Variants in CNTNAP4 observed in about 807,000 individuals in gnomAD.
CNTNAP4 encodes contactin associated protein family member 4.
A neutral mutation model predicts 148.4 loss-of-function variants in CNTNAP4; 98 were observed. The ratio of observed to expected loss-of-function variants is 0.66; its 90% CI spans 0.56 to 0.78. The LOEUF (loss-of-function observed/expected upper bound fraction) is 0.78, where lower values mean the gene tolerates loss of function less well. Among genes scored for constraint, CNTNAP4 ranks in the 30% least tolerant of loss-of-function variants. The pLI is 0.00. For missense variants in CNTNAP4, 1,935 were observed against 1,565.6 expected, an observed-to-expected ratio of 1.24 and a Z score of -3.98; for synonymous variants, 730 against 565.1, an observed-to-expected ratio of 1.29 and a Z score of -4.14.
intron 3 of CNTNAP4, among the ~76,000 whole-genome samples, chr16:76,415,582 A>C (rs1027654661): frequency 1.3e-5 from 2 of 151,158 alleles, no homozygotes; most frequent in African/African-American, 4.8e-5. Flanking sequence ...TTTAGTTGCC[A>C]TAAAATGCAC....
rs7193680 is a variant in CNTNAP4 at position 76,548,931 on chromosome 16, C to G, written c.3443-4352C>G. Among the ~76,000 whole-genome samples, 717 of 152,320 alleles carry G rather than the reference C, an allele frequency of 4.7e-3. 6 individuals carry two copies. Among genetic ancestry groups the G allele is most frequent in the African/African-American group, 0.017 (696 of 41,570 alleles). On this transcript the variant is annotated intron_variant, in intron 21 of 23. Coordinates refer to ENST00000611870, the MANE Select transcript of CNTNAP4 (RefSeq NM_033401.5). The stretch of plus-strand genomic sequence containing the variant: ...TAAGGCCAGCTTTGCTTATGAGCAA[C>G]TTAATATAGCTGCTAATTTTGTTTG...
chr16:76,438,002 A>C (rs1206406314), intron 4 of CNTNAP4, among the ~76,000 whole-genome samples: 2 of 152,168 alleles, frequency 1.3e-5, no homozygotes, highest in African/African-American at 4.8e-5. Flanking sequence ...GGTATTAATA[A>C]AATGAAAGAA....
At chr16:76,415,129 C>A (rs1162982537) in intron 3 of CNTNAP4, among the ~76,000 whole-genome samples, 1 of 151,110 alleles carries the variant, frequency 6.6e-6, no homozygotes, top group Non-Finnish European at 1.5e-5. Context: ...TATATTCTTT[C>A]AGATTTATAA....
chr16:76,548,463 G>C (rs1316577110), intron 21 of CNTNAP4, among the ~76,000 whole-genome samples: 2 of 151,538 alleles, frequency 1.3e-5, no homozygotes, highest in Admixed American at 1.3e-4. Flanking sequence ...AGCACTCCTT[G>C]TAATTGTTCT....
chr16:76,523,114 T>C (rs2083558549), intron 17 of CNTNAP4, among the ~76,000 whole-genome samples: 1 of 152,042 alleles, frequency 6.6e-6, no homozygotes, highest in Non-Finnish European at 1.5e-5. Flanking sequence ...TCAGCTTATT[T>C]ATTTATTATC....
At position 76,535,687 on chromosome 16, in the gene CNTNAP4, G is replaced by A. The variant is rs371905330; in HGVS notation, c.2898G>A (p.Gly966=). The A allele has an allele frequency of 9.3e-6, 15 of 1,614,016 alleles. 1 individual carries two copies. The highest frequency in any genetic ancestry group is 1.1e-5 in the Non-Finnish European group (13 of 1,179,908). Residue 966 remains glycine, a synonymous_variant, in exon 18 of 24, where the codon GGG becomes GGA. Coordinates refer to ENST00000611870, the MANE Select transcript of CNTNAP4 (RefSeq NM_033401.5). ...PGCRGHCSSY[G]KLCRNGGKCR... is the part of the protein sequence containing the mutation. The stretch of plus-strand genomic sequence containing the variant: ...GTAGGGGACATTGCAGCAGCTATGG[G>A]AAGTTATGCCGCAATGGAGGGAAAT...
At chr16:76,303,202 AT>A (rs1352554890) in intron 1 of CNTNAP4, among the ~76,000 whole-genome samples, 4 of 151,974 alleles carry the variant, frequency 2.6e-5, no homozygotes, top group East Asian at 3.9e-4. Context: ...AGTTGGCTTG[AT>A]TTTTTTTCCC....
chr16:76,395,142 C>T (rs2078153276), intron 3 of CNTNAP4, among the ~76,000 whole-genome samples: 1 of 152,172 alleles, frequency 6.6e-6, no homozygotes, highest in African/African-American at 2.4e-5. Context: ...GGAGGCACTG[C>T]AGCCAGGCTT....
chr16:76,504,942 A>G (rs967613715), intron 15 of CNTNAP4, among the ~76,000 whole-genome samples: 1 of 152,126 alleles, frequency 6.6e-6, no homozygotes, highest in Non-Finnish European at 1.5e-5. Context: ...ACAAATAATA[A>G]TAACAAAAAA....
intron 1 of CNTNAP4, among the ~76,000 whole-genome samples, chr16:76,298,010 T>C (rs1169797833): frequency 1.3e-5 from 2 of 152,202 alleles, no homozygotes; most frequent in Middle Eastern, 3.2e-3. Flanking sequence ...TTTTCTGCTA[T>C]CTTCACCCGT....
At chr16:76,328,435 T>G (rs746446602) in intron 2 of CNTNAP4, among the ~76,000 whole-genome samples, 2 of 151,772 alleles carry the variant, frequency 1.3e-5, no homozygotes, top group Non-Finnish European at 2.9e-5. Flanking sequence ...CCAAAAGGAG[T>G]CTGAGACGTG....
rs2082875285 is a variant in CNTNAP4, at chr16:76,507,583, G to GA, written c.2365+8897dup. On this transcript the variant is annotated intron_variant, in intron 15 of 23. Coordinates refer to ENST00000611870, the MANE Select transcript of CNTNAP4 (RefSeq NM_033401.5). ...TTTTATATGGCTGAAATAAAAAGAG[G>GA]AAAAAAAAGCACATTTTTCTATATA... is the stretch of plus-strand genomic sequence containing the variant. 4.1e-5 allele frequency among the ~76,000 whole-genome samples: 4 copies of GA among 96,742 alleles called. 1 individual carries two copies. In the South Asian group the frequency reaches 1.2e-3, roughly 29 times the overall value. The allele number at this position is 96,742 out of a possible 152,430, so 63.5% of individuals were successfully genotyped here. A position where few individuals can be genotyped will look rare whatever the true frequency, so the allele number is the denominator to read the frequency against.
Position 76,553,304 on chromosome 16 carries a change from A to T in CNTNAP4, c.3464A>T (p.Asp1155Val). The part of the protein sequence containing the change: ...RILEHSDVDQ[D>V]TALAGAQGFT... ...CTAGAACACAGTGATGTGGACCAGG[A>T]TACTGCACTGGCAGGTGCGCAGGGC... Residue 1155 changes from aspartate to valine, a missense_variant, in exon 22 of 24, where the codon GAT becomes GTT. Asp to Val is a radical substitution (Grantham distance 152). Coordinates refer to ENST00000611870, the MANE Select transcript of CNTNAP4 (RefSeq NM_033401.5). The T allele has an allele frequency of 6.2e-7, 1 of 1,609,398 alleles. No homozygotes were observed. The highest frequency in any genetic ancestry group is 8.5e-7 in the Non-Finnish European group (1 of 1,176,166).
At chr16:76,491,397 A>G (rs2082216531) in intron 13 of CNTNAP4, among the ~76,000 whole-genome samples, 1 of 152,168 alleles carries the variant, frequency 6.6e-6, no homozygotes, top group Admixed American at 6.5e-5. Flanking sequence ...ATGGTTAATG[A>G]ATCTCAGTCT....
chr16:76,301,977 T>A (rs1399350544), intron 1 of CNTNAP4, among the ~76,000 whole-genome samples: 1 of 152,044 alleles, frequency 6.6e-6, no homozygotes, highest in Non-Finnish European at 1.5e-5. Flanking sequence ...AAAAGCCACC[T>A]CTCGGGCACT....
chr16:76,553,473 A>G lies in CNTNAP4; in HGVS notation c.3633A>G (p.Thr1211=), dbSNP rs1329936544. ...TGGCCCAGCCTGGCACTGATGCCACATCAAGGGAAAGGACACACTCGTTTG... is the reference window on the plus strand; with the variant it reads ...TGGCCCAGCCTGGCACTGATGCCACGTCAAGGGAAAGGACACACTCGTTTG... ...SCMAQPGTDA[T]SRERTHSFAD... is the part of the protein sequence containing the mutation. The change falls in exon 22 of 24, where the codon ACA becomes ACG. Residue 1211 remains threonine (T), a synonymous_variant. Coordinates refer to ENST00000611870, the MANE Select transcript of CNTNAP4 (RefSeq NM_033401.5). 2 of 1,612,002 alleles carry G rather than the reference A, an allele frequency of 1.2e-6. No individual in the cohort carries two copies. Among genetic ancestry groups the G allele is most frequent in the Non-Finnish European group, 1.7e-6 (2 of 1,179,012 alleles).
chr16:76,342,689 G>T (rs925582705), intron 2 of CNTNAP4, among the ~76,000 whole-genome samples: 1 of 151,928 alleles, frequency 6.6e-6, no homozygotes, highest in Non-Finnish European at 1.5e-5. Context: ...AGCCAGGATG[G>T]TCTAGATCTC....
At chr16:76,530,606 C>T (rs2083936028) in intron 17 of CNTNAP4, among the ~76,000 whole-genome samples, 1 of 152,210 alleles carries the variant, frequency 6.6e-6, no homozygotes, top group African/African-American at 2.4e-5. Flanking sequence ...CTTTCTGCTG[C>T]TACTACGACT....
chr16:76,419,198 A>T (rs895940717), intron 3 of CNTNAP4, among the ~76,000 whole-genome samples: 1 of 151,816 alleles, frequency 6.6e-6, no homozygotes, highest in Non-Finnish European at 1.5e-5. Context: ...TAGGTTTCCA[A>T]TCTATTTCTG....
Sources: allele counts gnomAD v4.1 joint callset (sites outside exome capture counted in the v4.1 genomes callset), GRCh38; gene constraint gnomAD v4.1.1; transcripts MANE v1.5; gene names NCBI Gene and HGNC (gene_info 2026-07-23, HGNC 2026-07-21).